The following SLC5A10 variants were observed in gnomAD, a reference collection of about 807,000 sequenced individuals.
The protein encoded by SLC5A10 is sodium/mannose cotransporter SLC5A10.
SLC5A10 carries 55 observed loss-of-function variants against 68.9 expected under a neutral mutation model. The observed-to-expected ratio is 0.80, with a 90% CI of 0.64 to 1.00. SLC5A10 has a LOEUF of 1.00. Among genes scored for constraint, SLC5A10 ranks in the 50% least tolerant of loss-of-function variants. SLC5A10 has a pLI of 0.00. For missense variants in SLC5A10, 732 were observed against 819.3 expected (o/e 0.89, Z 1.30); for synonymous variants, 344 against 344.8 (o/e 1.00, Z 0.02).
Position 19,021,419 on chromosome 17 carries a change from A to T in SLC5A10, c.*988A>T, listed in dbSNP as rs559049464. ...AGCTGAAGTCATGGGGCTGTTGAGG[A>T]GTTGGTGTCCACCTGGAGTCTGTCC... On this transcript the variant is annotated 3_prime_UTR_variant, in exon 15 of 15. Coordinates refer to ENST00000395645, the MANE Select transcript of SLC5A10 (RefSeq NM_001042450.4). The surrounding 1 kb of genome is among the most constrained non-coding windows in gnomAD (Gnocchi z 4.1). 2 of 164,616 alleles carry T rather than the reference A, an allele frequency of 1.2e-5. No individual in the cohort carries two copies. Among genetic ancestry groups the T allele is most frequent in the South Asian group, 4.0e-4 (2 of 4,942 alleles). 10.2% of individuals were successfully genotyped at this position (164,616 alleles called of 1,614,324 possible). A position where few individuals can be genotyped will look rare whatever the true frequency, so the allele number is the denominator to read the frequency against.
intron 5 of SLC5A10, among the ~76,000 whole-genome samples, chr17:18,962,634 G>A (rs550587308): frequency 6.6e-6 from 1 of 152,248 alleles, no homozygotes; most frequent in African/African-American, 2.4e-5. Context: ...GTGCCCAGGT[G>A]GAGCGGGGGT....
intron 9 of SLC5A10, among the ~76,000 whole-genome samples, chr17:18,990,703 G>A (rs1246758713): frequency 2.6e-5 from 4 of 152,240 alleles, no homozygotes; most frequent in Non-Finnish European, 4.4e-5. Flanking sequence ...CCACAGTCCT[G>A]GCTCTCCCCA....
At chr17:18,987,260 T>C (rs2043293561) in intron 9 of SLC5A10, among the ~76,000 whole-genome samples, 1 of 152,182 alleles carries the variant, frequency 6.6e-6, no homozygotes, top group African/African-American at 2.4e-5. Flanking sequence ...TATCTTTAAC[T>C]TGCTAGCAGT....
intron 3 of SLC5A10, 54 bp downstream of exon 3, chr17:18,959,293 C>T (rs1327983338): frequency 1.7e-5 from 26 of 1,562,776 alleles, no homozygotes; most frequent in African/African-American, 2.7e-5. Context: ...AGGATGTGGT[C>T]GCAGCACTGG....
intron 5 of SLC5A10, among the ~76,000 whole-genome samples, chr17:18,963,846 G>A (rs1205524895): frequency 1.3e-5 from 2 of 152,336 alleles, no homozygotes; most frequent in African/African-American, 4.8e-5. Context: ...TTAACCTCTG[G>A]AACTGGGCAC....
intron 9 of SLC5A10, among the ~76,000 whole-genome samples, chr17:18,980,306 C>T (rs1487769361): frequency 6.6e-6 from 1 of 152,152 alleles, no homozygotes; most frequent in Non-Finnish European, 1.5e-5. Flanking sequence ...AGCACCCAGG[C>T]CAGGTCCTGT....
chr17:18,991,888 C>T (rs533937877), intron 9 of SLC5A10, among the ~76,000 whole-genome samples: 5 of 152,294 alleles, frequency 3.3e-5, no homozygotes, highest in South Asian at 2.1e-4. Flanking sequence ...AGGCCCAATG[C>T]CCAAGACAAC....
intron 7 of SLC5A10, 122 bp from the exon 8 acceptor site, chr17:18,970,891 G>A (rs2042824338): frequency 1.2e-6 from 1 of 828,184 alleles, no homozygotes; most frequent in African/African-American, 1.7e-5. Flanking sequence ...GGAAAGATGA[G>A]GTGGAAAAAA....
At chr17:18,977,376 A>G in intron 9 of SLC5A10, 1 of 604,434 alleles carries the variant, frequency 1.7e-6, no homozygotes, top group Non-Finnish European at 2.8e-6. Context: ...GGATGCTGGG[A>G]CCAAGAGTCC....
At chr17:19,015,232 G>GCCGGT in intron 11 of SLC5A10, 33 bp downstream of exon 11, 1 of 442,600 alleles carries the variant, frequency 2.3e-6, no homozygotes, top group Non-Finnish European at 4.6e-6. Context: ...GGGGGTGGGG[G>GCCGGT]AACACTACAA....
intron 3 of SLC5A10, 55 bp downstream of exon 3, chr17:18,959,294 G>C (rs1010267805): frequency 1.3e-6 from 2 of 1,559,276 alleles, no homozygotes. Context: ...GGATGTGGTC[G>C]CAGCACTGGA....
At chr17:18,961,346 C>T (rs1217422828) in intron 5 of SLC5A10, among the ~76,000 whole-genome samples, 1 of 152,178 alleles carries the variant, frequency 6.6e-6, no homozygotes, top group Non-Finnish European at 1.5e-5. Flanking sequence ...TCTGAAGGGG[C>T]TTGAGTCCTG....
intron 1 of SLC5A10, among the ~76,000 whole-genome samples, chr17:18,952,848 G>T (rs1327623761): frequency 6.6e-6 from 1 of 152,164 alleles, no homozygotes; most frequent in African/African-American, 2.4e-5. Context: ...AATGAGCAGA[G>T]ATCTGACCCC....
intron 8 of SLC5A10, among the ~76,000 whole-genome samples, chr17:18,974,723 G>C (rs924462335): frequency 6.6e-6 from 1 of 152,238 alleles, no homozygotes; most frequent in African/African-American, 2.4e-5. Context: ...GGACAGGCTT[G>C]GCCGGCTACA....
At position 19,019,868 on chromosome 17, in the gene SLC5A10, A is replaced by G. The variant is rs1413297228; in HGVS notation, c.1566A>G (p.Ala522=). 2 of 1,612,930 alleles carry G rather than the reference A, an allele frequency of 1.2e-6. No individual in the cohort carries two copies. Among genetic ancestry groups the G allele is most frequent in the African/African-American group, 2.7e-5 (2 of 74,962 alleles). The change falls in exon 13 of 15, where the codon GCA becomes GCG. Residue 522 remains alanine (A), a synonymous_variant. Coordinates refer to ENST00000395645, the MANE Select transcript of SLC5A10 (RefSeq NM_001042450.4). ...HYLHFAVALF[A]LSGAVVVAGS... is the part of the protein sequence containing the mutation. ...TGCACTTCGCTGTCGCCCTCTTTGC[A>G]CTCAGTGGTGCTGTTGTGGTGGCTG...
intron 9 of SLC5A10, among the ~76,000 whole-genome samples, chr17:18,999,164 G>C (rs1176408490): frequency 1.3e-5 from 2 of 152,126 alleles, no homozygotes; most frequent in Non-Finnish European, 2.9e-5. Flanking sequence ...TGTAATTCCA[G>C]CTACTCAGGA....
chr17:19,004,140 G>T lies in SLC5A10; in HGVS notation c.983-9270G>T. The stretch of plus-strand genomic sequence containing the variant: ...GCACCGCGCGCTCGGGGGCCTCTCC[G>T]CGGCCTCTGCTTCTCTGCCCATGAG... On this transcript the variant is annotated intron_variant, in intron 9 of 14. Coordinates refer to ENST00000395645, the MANE Select transcript of SLC5A10 (RefSeq NM_001042450.4). The surrounding 1 kb of genome is among the most constrained non-coding windows in gnomAD (Gnocchi z 5.4). 1 of 1,200,052 alleles carries T rather than the reference G, an allele frequency of 8.3e-7. No individual in the cohort carries two copies. The highest frequency in any genetic ancestry group is 1.2e-6 in the Non-Finnish European group (1 of 862,508). The allele number at this position is 1,200,052 out of a possible 1,614,324, so 74.3% of individuals were successfully genotyped here. A position where few individuals can be genotyped will look rare whatever the true frequency, so the allele number is the denominator to read the frequency against.
intron 5 of SLC5A10, 82 bp downstream of exon 5, chr17:18,960,734 T>C (rs891020495): frequency 8.5e-6 from 11 of 1,288,714 alleles, no homozygotes; most frequent in Non-Finnish European, 1.2e-5. Context: ...TGACATCTTC[T>C]CATTCATCTC....
rs967555033 is a variant in SLC5A10, at chr17:19,004,376, G to A, written c.983-9034G>A. The A allele has an allele frequency of 8.1e-6, 2 of 247,714 alleles. No homozygotes were observed. The highest frequency in any genetic ancestry group is 1.5e-5 in the Non-Finnish European group (2 of 130,874). The allele number at this position is 247,714 out of a possible 1,614,324, so 15.3% of individuals were successfully genotyped here. A position where few individuals can be genotyped will look rare whatever the true frequency, so the allele number is the denominator to read the frequency against. Reference sequence around the variant, plus strand: ...TGAGGGAGCGGTGGGCCACGTCCCAGGGCTCAGCGTGCCTCTACGTGCAGG... The same window carrying A: ...TGAGGGAGCGGTGGGCCACGTCCCAAGGCTCAGCGTGCCTCTACGTGCAGG... On this transcript the variant is annotated intron_variant, in intron 9 of 14. Coordinates refer to ENST00000395645, the MANE Select transcript of SLC5A10 (RefSeq NM_001042450.4). The surrounding 1 kb of genome is among the most constrained non-coding windows in gnomAD (Gnocchi z 5.4).
Sources: allele counts gnomAD v4.1 joint callset (sites outside exome capture counted in the v4.1 genomes callset), GRCh38; gene constraint gnomAD v4.1.1; non-coding constraint Gnocchi (gnomAD v3.1); transcripts MANE v1.5; gene names NCBI Gene and HGNC (gene_info 2026-07-23, HGNC 2026-07-21).